SLC6A20: variants seen among roughly 807,000 people sequenced by gnomAD.
SLC6A20 encodes the protein sodium- and chloride-dependent transporter XTRP3.
In SLC6A20, 73 loss-of-function variants were observed where a neutral mutation model predicts 64.3. The ratio of observed to expected loss-of-function variants is 1.14; its 90% CI spans 0.94 to 1.38. The LOEUF (loss-of-function observed/expected upper bound fraction) is 1.38, where lower values mean the gene tolerates loss of function less well. Ranked by LOEUF, SLC6A20 falls within the 40% of genes most tolerant of loss-of-function variation. The pLI is 0.00. For missense variants in SLC6A20, 725 were observed against 772.8 expected, an observed-to-expected ratio of 0.94 and a Z score of 0.73; for synonymous variants, 347 against 329.6, an observed-to-expected ratio of 1.05 and a Z score of -0.57.
Position 45,755,833 on chromosome 3 carries a change from A to G in SLC6A20, c.*3145T>C, listed in dbSNP as rs1441454664. 6.6e-6 allele frequency: 1 copy of G among 152,642 alleles called. No individual in the cohort carries two copies. Among genetic ancestry groups the G allele is most frequent in the African/African-American group, 2.4e-5 (1 of 41,472 alleles). The allele number at this position is 152,642 out of a possible 1,614,324, so 9.5% of individuals were successfully genotyped here. Reference sequence around the variant, plus strand: ...CATCTGGAGCACATTATTCTGTAACAGTGGTGCTTCATCTGTTTGAGTTCC... The same window carrying G: ...CATCTGGAGCACATTATTCTGTAACGGTGGTGCTTCATCTGTTTGAGTTCC... On this transcript the variant is annotated 3_prime_UTR_variant, in exon 11 of 11. Coordinates refer to ENST00000358525, the MANE Select transcript of SLC6A20 (RefSeq NM_020208.4).
chr3:45,780,364 C>T (rs1420688850), intron 2 of SLC6A20, among the ~76,000 whole-genome samples: 1 of 152,230 alleles, frequency 6.6e-6, no homozygotes, highest in Non-Finnish European at 1.5e-5. Flanking sequence ...CTGCCAGGCA[C>T]TGTGCTAAAT....
At chr3:45,763,152 T>A (rs1451305954) in intron 8 of SLC6A20, 80 bp from the exon 9 acceptor site, 1 of 1,565,688 alleles carries the variant, frequency 6.4e-7, no homozygotes, top group East Asian at 2.3e-5. Flanking sequence ...GACAGTGGGG[T>A]CGTCGGCCCT....
rs990985652 is a variant in SLC6A20 at position 45,771,375 on chromosome 3, C to T, written c.777G>A (p.Leu259=). The change falls in exon 6 of 11, where the codon CTG becomes CTA. Residue 259 remains leucine (L), a synonymous_variant. Transcript: ENST00000358525. ...FFSLGLGFGS[L]IAFASYNEPS... ...GCTCATTGTAGCTGGCGAAGGCGAT[C>T]AGGCTGCCGAAGCCCAGGCCAAGTG... The T allele has an allele frequency of 1.2e-6, 2 of 1,614,112 alleles. No individual in the cohort carries two copies. Among genetic ancestry groups the T allele is most frequent in the Non-Finnish European group, 1.7e-6 (2 of 1,180,052 alleles).
chr3:45,770,442 C>T, intron 6 of SLC6A20, 71 bp from the exon 7 acceptor site: 2 of 1,562,996 alleles, frequency 1.3e-6, no homozygotes, highest in Admixed American at 1.8e-5. Context: ...TCCCGTCAGC[C>T]TCTTCTTTTC....
At chr3:45,775,708 G>A (rs1699952740) in intron 4 of SLC6A20, 53 bp downstream of exon 4, 1 of 1,545,006 alleles carries the variant, frequency 6.5e-7, no homozygotes, top group Admixed American at 1.7e-5. Context: ...CTGCCCCTTG[G>A]TGCACCCTCC....
At position 45,788,429 on chromosome 3, in the gene SLC6A20, C is replaced by A. The variant is rs531187442; in HGVS notation, c.122-6206G>T. Among the ~76,000 whole-genome samples, 140 of 152,302 alleles carry A rather than the reference C, an allele frequency of 9.2e-4. 1 individual carries two copies. Among genetic ancestry groups the A allele is most frequent in the Non-Finnish European group, 5.9e-4 (40 of 68,026 alleles). ...AGCAGTTGTGCCTGCAGAAAGAACACTGCAGACACAACTGGTAGAAAAGTA... is the reference window on the plus strand; with the variant it reads ...AGCAGTTGTGCCTGCAGAAAGAACAATGCAGACACAACTGGTAGAAAAGTA... On this transcript the variant is annotated intron_variant, in intron 1 of 10. Coordinates refer to ENST00000358525, the MANE Select transcript of SLC6A20 (RefSeq NM_020208.4).
chr3:45,767,289 G>A (rs1283783304), intron 7 of SLC6A20, among the ~76,000 whole-genome samples: 8 of 152,018 alleles, frequency 5.3e-5, no homozygotes, highest in African/African-American at 7.3e-5. Flanking sequence ...AAACAGTTAC[G>A]TATGAAATGT....
chr3:45,774,123 C>T (rs1371905631), intron 4 of SLC6A20, among the ~76,000 whole-genome samples: 1 of 152,178 alleles, frequency 6.6e-6, no homozygotes, highest in Admixed American at 6.5e-5. Context: ...GAAACAAAGT[C>T]GATTCCAACA....
Position 45,765,449 on chromosome 3 carries a change from C to T in SLC6A20, c.1303+88G>A, listed in dbSNP as rs765920248. ...ACCCCCTGTAGCCACCTGAACCAGC[C>T]CATGACCCCTGAGGGAGCTCTCCCC... is the stretch of plus-strand genomic sequence containing the variant. On this transcript the variant is annotated intron_variant, in intron 8 of 10. Coordinates refer to ENST00000358525, the MANE Select transcript of SLC6A20 (RefSeq NM_020208.4). This position sits in a 1 kb window ranked among gnomAD's most constrained non-coding sequence, Gnocchi z 4.2. The T allele has an allele frequency of 2.0e-4, 284 of 1,454,780 alleles. No individual in the cohort carries two copies. The highest frequency in any genetic ancestry group is 2.1e-4 in the Non-Finnish European group (224 of 1,073,502). 90.1% of individuals were successfully genotyped at this position (1,454,780 alleles called of 1,614,324 possible). A position where few individuals can be genotyped will look rare whatever the true frequency, so the allele number is the denominator to read the frequency against.
At chr3:45,791,714 GCACGT>G (rs1700255173) in intron 1 of SLC6A20, 1 of 158,080 alleles carries the variant, frequency 6.3e-6, no homozygotes, top group Non-Finnish European at 1.4e-5. Flanking sequence ...GGGGAAGTAG[GCACGT>G]CTTACATGAC....
intron 10 of SLC6A20, 52 bp downstream of exon 10, chr3:45,759,805 C>A: frequency 1.9e-6 from 3 of 1,556,386 alleles, no homozygotes; most frequent in Non-Finnish European, 2.6e-6. Context: ...ATGGCCCATG[C>A]TTTTCAGTGG....
At chr3:45,790,358 A>G (rs1218755436) in intron 1 of SLC6A20, 1 of 152,022 alleles carries the variant, frequency 6.6e-6, no homozygotes, top group African/African-American at 2.4e-5. Context: ...AGGAACACCG[A>G]GCACACCAGG....
Position 45,775,944 on chromosome 3 carries a change from C to T in SLC6A20, c.399G>A (p.Thr133=), listed in dbSNP as rs370752048. ...CCTTCTCACACTCCTCATCGTAGCC[C>T]GTGTGGTTACCATTCAGTGGGCAGA... The part of the protein sequence containing the change: ...WSVCPLNGNH[T]GYDEECEKAS... The change falls in exon 4 of 11, where the codon ACG becomes ACA. Residue 133 remains threonine, a synonymous_variant. Transcript: ENST00000358525. The T allele has an allele frequency of 1.8e-5, 29 of 1,614,176 alleles. No homozygotes were observed. The highest frequency in any genetic ancestry group is 1.6e-4 in the Middle Eastern group (1 of 6,062).
At chr3:45,761,643 A>G (rs917327816) in intron 9 of SLC6A20, among the ~76,000 whole-genome samples, 5 of 152,290 alleles carry the variant, frequency 3.3e-5, no homozygotes, top group Admixed American at 2.0e-4. Flanking sequence ...TCCTGGGGAA[A>G]CAGGGAGAGT....
chr3:45,790,005 G>A (rs370747926), intron 1 of SLC6A20, among the ~76,000 whole-genome samples: 2 of 152,060 alleles, frequency 1.3e-5, no homozygotes, highest in Admixed American at 6.5e-5. Flanking sequence ...TAGCCAGTAC[G>A]TTGTCTATTT....
intron 1 of SLC6A20, among the ~76,000 whole-genome samples, chr3:45,785,037 C>T (rs1160361493): frequency 6.6e-6 from 1 of 152,232 alleles, no homozygotes; most frequent in Non-Finnish European, 1.5e-5. Flanking sequence ...TCCCACTTCT[C>T]AACCCTATTG....
chr3:45,777,224 G>A (rs772615134), intron 3 of SLC6A20, among the ~76,000 whole-genome samples: 52 of 152,184 alleles, frequency 3.4e-4, no homozygotes, highest in Non-Finnish European at 5.1e-4. Flanking sequence ...CACCTAATGG[G>A]TCATGGCTAC....
rs1699576782 is a variant in SLC6A20, at chr3:45,757,913, C to CCTT, written c.*1064_*1065insAAG. The CCTT allele has an allele frequency of 1.7e-5, 2 of 118,890 alleles. No individual in the cohort carries two copies. The highest frequency in any genetic ancestry group is 4.8e-4 in the East Asian group (2 of 4,152). 7.4% of individuals were successfully genotyped at this position (118,890 alleles called of 1,614,324 possible). A position where few individuals can be genotyped will look rare whatever the true frequency, so the allele number is the denominator to read the frequency against. Reference sequence around the variant, plus strand: ...TAAGCCTATGGGAAAGTCAGAGCCACTTTTTTTTTTTTTTTTTTTTGAGTC... The same window carrying CCTT: ...TAAGCCTATGGGAAAGTCAGAGCCACCTTTTTTTTTTTTTTTTTTTTTTGAGTC... On this transcript the variant is annotated 3_prime_UTR_variant, in exon 11 of 11. Transcript: ENST00000358525.
At chr3:45,769,169 A>G (rs1278373423) in intron 7 of SLC6A20, among the ~76,000 whole-genome samples, 2 of 152,350 alleles carry the variant, frequency 1.3e-5, no homozygotes, top group Non-Finnish European at 2.9e-5. Flanking sequence ...CAGTAAGGTA[A>G]TAGAAATCTA....
Sources: gnomAD v4.1 joint callset for allele counts (sites outside exome capture counted in the v4.1 genomes callset) on GRCh38, gnomAD v4.1.1 for gene constraint, Gnocchi (gnomAD v3.1) non-coding constraint, MANE v1.5 for transcripts, NCBI Gene and HGNC (gene_info 2026-07-23, HGNC 2026-07-21) for gene names.